Variants in GLMN observed in about 807,000 individuals in gnomAD.
GLMN encodes glomulin, FKBP associated protein, also known as glomulin.
Under a neutral mutation model 87.8 loss-of-function variants are expected in GLMN, and 75 were observed. The ratio of observed to expected loss-of-function variants is 0.85; its 90% CI spans 0.71 to 1.04. The LOEUF is 1.04. GLMN is among the 50% of genes least tolerant of loss of function. The pLI is 0.00. For synonymous variants in GLMN, 206 were observed against 221.6 expected, an observed-to-expected ratio of 0.93 and a Z score of 0.63; for missense variants, 588 against 658.8, an observed-to-expected ratio of 0.89 and a Z score of 1.18.
chr1:92,341,654 A>G, the GLMN span, among the ~76,000 whole-genome samples: 7 of 152,188 alleles, frequency 4.6e-5, no homozygotes, highest in Non-Finnish European at 8.8e-5. Flanking sequence ...AGAAAAGGAA[A>G]TACTTTTTTG....
At chr1:92,302,590 ATTTTTTT>A (rs36067595), upstream of GLMN, among the ~76,000 whole-genome samples, 10 of 74,336 alleles carry the variant, frequency 1.3e-4, no homozygotes, top group African/African-American at 4.0e-4. Context: ...TCCGCATTAA[ATTTTTTT>A]TTTTTTTTTT....
chr1:92,323,601 T>C, the GLMN span: 1 of 1,614,096 alleles, frequency 6.2e-7, no homozygotes, highest in Non-Finnish European at 8.5e-7. Context: ...TTTCCTCCAT[T>C]CTACCAGGAA....
chr1:92,329,569 G>T, the GLMN span, among the ~76,000 whole-genome samples: 6 of 152,118 alleles, frequency 3.9e-5, no homozygotes, highest in African/African-American at 1.4e-4. Flanking sequence ...TGCCTTTTCT[G>T]GTATGTTTCT....
At chr1:92,251,794 CT>C (rs35251154) in intron 16 of GLMN, among the ~76,000 whole-genome samples, 75,746 of 142,898 alleles carry the variant, frequency 0.53, 20,652 homozygotes, top group East Asian at 0.95. Context: ...ATTCCCAAAA[CT>C]TTTTTTTTTT....
the GLMN span, among the ~76,000 whole-genome samples, chr1:92,364,192 G>GT: frequency 6.6e-6 from 1 of 152,124 alleles, no homozygotes; most frequent in Non-Finnish European, 1.5e-5. Flanking sequence ...GACCTTCAGG[G>GT]TTCCCTTCTT....
At chr1:92,250,843 G>A (rs1653384819) in intron 16 of GLMN, among the ~76,000 whole-genome samples, 1 of 152,140 alleles carries the variant, frequency 6.6e-6, no homozygotes, top group Admixed American at 6.5e-5. Context: ...TTGAGATATT[G>A]TTTACATACA....
At chr1:92,320,545 CAGGCATG>C in the GLMN span, 1 of 1,509,946 alleles carries the variant, frequency 6.6e-7, no homozygotes, top group Non-Finnish European at 9.2e-7. Flanking sequence ...GCTGGGGTTA[CAGGCATG>C]AGCCACCGCA....
At chr1:92,297,085 A>G (rs1650157361) in intron 3 of GLMN, among the ~76,000 whole-genome samples, 1 of 151,676 alleles carries the variant, frequency 6.6e-6, no homozygotes, top group Non-Finnish European at 1.5e-5. Context: ...CCAGATGGTA[A>G]AAACCTTCAA....
intron 7 of GLMN, among the ~76,000 whole-genome samples, chr1:92,281,017 G>A (rs994877892): frequency 6.6e-6 from 1 of 152,204 alleles, no homozygotes; most frequent in African/African-American, 2.4e-5. Flanking sequence ...GTGACAGGGA[G>A]AATGGAACAA....
At chr1:92,288,706 T>C (rs1254210499) in intron 6 of GLMN, among the ~76,000 whole-genome samples, 3 of 152,178 alleles carry the variant, frequency 2.0e-5, no homozygotes, top group Admixed American at 1.3e-4. Context: ...TGGGATTACA[T>C]GTGTGAGCCA....
upstream of GLMN, chr1:92,301,665 C>A: frequency 1.8e-6 from 1 of 551,476 alleles, no homozygotes; most frequent in Non-Finnish European, 3.1e-6. Flanking sequence ...AACTTCTTTG[C>A]ATTATTAGAA....
intron 15 of GLMN, among the ~76,000 whole-genome samples, 158 bp downstream of exon 15, chr1:92,263,465 A>C (rs1655262337): frequency 6.6e-6 from 1 of 152,258 alleles, no homozygotes; most frequent in Non-Finnish European, 1.5e-5. Flanking sequence ...ACACATTATC[A>C]AATCACTTAA....
chr1:92,324,438 A>G, the GLMN span: 11 of 1,196,778 alleles, frequency 9.2e-6, no homozygotes, highest in Non-Finnish European at 1.3e-5. Context: ...ACCACAGCAA[A>G]TCTTGGAGCA....
rs1317847390 is a variant in GLMN, at chr1:92,291,546, A to C, written c.166-9T>G. The C allele has an allele frequency of 6.2e-7, 1 of 1,613,484 alleles. No homozygotes were observed. Among genetic ancestry groups the C allele is most frequent in the Non-Finnish European group, 8.5e-7 (1 of 1,179,578 alleles). On this transcript the variant is annotated splice_polypyrimidine_tract_variant and intron_variant, in intron 3 of 18. Coordinates refer to ENST00000370360, the MANE Select transcript of GLMN (RefSeq NM_053274.3). ...ATATTCTTGATGATGACCTGTAAAAACATTTTCAGAGTAAAGCAAACACTG... is the reference window on the plus strand; with the variant it reads ...ATATTCTTGATGATGACCTGTAAAACCATTTTCAGAGTAAAGCAAACACTG...
At chr1:92,264,800 C>A (rs1655427755) in intron 13 of GLMN, among the ~76,000 whole-genome samples, 162 bp from the exon 14 acceptor site, 1 of 152,152 alleles carries the variant, frequency 6.6e-6, no homozygotes. Context: ...TACAAAGTCA[C>A]CTGTAATAGT....
chr1:92,346,006 C>A, the GLMN span: 1 of 883,646 alleles, frequency 1.1e-6, no homozygotes, highest in Non-Finnish European at 1.8e-6. Flanking sequence ...TTGTAAACTG[C>A]CTTGGAAAAT....
chr1:92,277,907 G>A (rs1647478465), intron 7 of GLMN, among the ~76,000 whole-genome samples: 1 of 151,970 alleles, frequency 6.6e-6, no homozygotes, highest in Non-Finnish European at 1.5e-5. Flanking sequence ...TGGGAATCCT[G>A]ATTTATTGCC....
Position 92,288,897 on chromosome 1 carries a change from C to T in GLMN, c.632+17G>A, listed in dbSNP as rs758472223. On this transcript the variant is annotated intron_variant, in intron 6 of 18. Coordinates refer to ENST00000370360, the MANE Select transcript of GLMN (RefSeq NM_053274.3). Reference sequence around the variant, plus strand: ...TTACTTAAGTCCACTGTGAGATGTTCTTAAAATTATACTTACAATTTCAGT... The same window carrying T: ...TTACTTAAGTCCACTGTGAGATGTTTTTAAAATTATACTTACAATTTCAGT... 7.2e-6 allele frequency: 9 copies of T among 1,252,128 alleles called. No individual in the cohort carries two copies. The highest frequency in any genetic ancestry group is 5.1e-5 in the Admixed American group (3 of 59,324). 77.6% of individuals were successfully genotyped at this position (1,252,128 alleles called of 1,614,324 possible).
chr1:92,306,415 A>T, the GLMN span, among the ~76,000 whole-genome samples: 5 of 152,366 alleles, frequency 3.3e-5, no homozygotes, highest in South Asian at 8.3e-4. Context: ...TGTAAAAAAA[A>T]GTTTATAGTA....
Sources: allele counts gnomAD v4.1 joint callset (sites outside exome capture counted in the v4.1 genomes callset), GRCh38; gene constraint gnomAD v4.1.1; transcripts MANE v1.5; gene names NCBI Gene and HGNC (gene_info 2026-07-23, HGNC 2026-07-21).